RAB23: variants seen among roughly 807,000 people sequenced by gnomAD.
The protein encoded by RAB23 is RAB23, member RAS oncogene family.
Under a neutral mutation model 30.0 loss-of-function variants are expected in RAB23, and 15 were observed. That is an observed-to-expected ratio of 0.50 (90% CI 0.33 to 0.77). The LOEUF (loss-of-function observed/expected upper bound fraction) is 0.77. RAB23 is among the 30% of genes least tolerant of loss of function. The pLI is 0.02. For synonymous variants in RAB23, 93 were observed against 94.0 expected, an observed-to-expected ratio of 0.99 and a Z score of 0.06; for missense variants, 243 against 275.4, an observed-to-expected ratio of 0.88 and a Z score of 0.83.
intron 3 of RAB23, among the ~76,000 whole-genome samples, chr6:57,203,914 CAAG>C (rs1765359962): frequency 6.6e-6 from 1 of 151,960 alleles, no homozygotes. Context: ...GTAGTGGTGG[CAAG>C]AAACCAAAAT....
At chr6:57,199,889 G>A (rs904253621) in intron 3 of RAB23, among the ~76,000 whole-genome samples, 2 of 152,218 alleles carry the variant, frequency 1.3e-5, no homozygotes, top group East Asian at 1.9e-4. Flanking sequence ...TCCCCTAACT[G>A]AATATCATCT....
intron 6 of RAB23, 119 bp from the exon 7 acceptor site, chr6:57,190,719 G>C: frequency 7.4e-7 from 1 of 1,352,182 alleles, no homozygotes; most frequent in Non-Finnish European, 1.0e-6. Context: ...TAAAATTGTA[G>C]TAAAATCCAA....
At chr6:57,219,247 A>C (rs916876213) in intron 1 of RAB23, among the ~76,000 whole-genome samples, 4 of 152,254 alleles carry the variant, frequency 2.6e-5, no homozygotes, top group African/African-American at 9.6e-5. Context: ...TAGCTCCAAA[A>C]ACATTAAATA....
chr6:57,213,470 A>G (rs531984121), intron 1 of RAB23, among the ~76,000 whole-genome samples: 1 of 152,312 alleles, frequency 6.6e-6, no homozygotes, highest in African/African-American at 2.4e-5. Context: ...CAGTTCCTAG[A>G]AAGCAACTTC....
chr6:57,211,279 A>G (rs1255412600), intron 1 of RAB23, among the ~76,000 whole-genome samples: 1 of 152,008 alleles, frequency 6.6e-6, no homozygotes, highest in Non-Finnish European at 1.5e-5. Flanking sequence ...ATAGAGACCC[A>G]GTTGCCACTA....
chr6:57,205,825 G>A (rs1264776009), intron 3 of RAB23, among the ~76,000 whole-genome samples: 3 of 152,188 alleles, frequency 2.0e-5, no homozygotes, highest in Admixed American at 6.5e-5. Context: ...TTTTAACCAC[G>A]AAAGTGATTT....
intron 3 of RAB23, among the ~76,000 whole-genome samples, 181 bp from the exon 4 acceptor site, chr6:57,196,787 C>T (rs1392055324): frequency 6.6e-6 from 1 of 152,128 alleles, no homozygotes; most frequent in African/African-American, 2.4e-5. Flanking sequence ...AACATATAAA[C>T]TCTATTTATG....
intron 3 of RAB23, among the ~76,000 whole-genome samples, chr6:57,206,124 C>T (rs1464652954): frequency 6.6e-6 from 1 of 152,122 alleles, no homozygotes; most frequent in African/African-American, 2.4e-5. Context: ...GGTAGATAGT[C>T]GGGTTTAACT....
chr6:57,205,172 T>A (rs1481667364), intron 3 of RAB23, among the ~76,000 whole-genome samples: 3 of 151,476 alleles, frequency 2.0e-5, no homozygotes, highest in East Asian at 3.9e-4. Flanking sequence ...ACACACTATA[T>A]TAATTACATA....
chr6:57,191,443 G>C (rs966677784), intron 6 of RAB23, among the ~76,000 whole-genome samples: 2 of 152,018 alleles, frequency 1.3e-5, no homozygotes, highest in Non-Finnish European at 2.9e-5. Flanking sequence ...CAGCAAATAC[G>C]ATAATTTTTA....
rs377375386 is a variant in RAB23 at position 57,193,870 on chromosome 6, T to G, written c.546A>C (p.Glu182Asp). ...TCTTGTTACTACTTGAATGCGTTAG[T>G]TCTGGATCCTCAGCTATTTGTTGTT... is the stretch of plus-strand genomic sequence containing the variant. The part of the protein sequence containing the change: ...KLKQQIAEDP[E>D]LTHSSSNKIG... Residue 182 changes from glutamate (E) to aspartate (D), a missense_variant, in exon 6 of 7, where the codon GAA (glutamate) becomes GAC (aspartate). Glu to Asp is a conservative substitution (Grantham distance 45). Coordinates refer to ENST00000468148, the MANE Select transcript of RAB23 (RefSeq NM_016277.5). 7.3e-5 allele frequency: 117 copies of G among 1,612,912 alleles called. No homozygotes were observed. The highest frequency in any genetic ancestry group is 1.2e-4 in the Admixed American group (7 of 59,966).
intron 3 of RAB23, among the ~76,000 whole-genome samples, chr6:57,203,250 C>G (rs141312356): frequency 2.0e-5 from 3 of 152,264 alleles, no homozygotes; most frequent in African/African-American, 7.2e-5. Context: ...AGGTGACCTG[C>G]CGGCCGCAGC....
intron 3 of RAB23, among the ~76,000 whole-genome samples, chr6:57,205,934 G>T (rs1471988300): frequency 3.3e-5 from 5 of 152,192 alleles, no homozygotes; most frequent in African/African-American, 1.2e-4. Context: ...GATTCCCAAA[G>T]TTAAGGCAAG....
At chr6:57,214,718 A>G (rs1468441445) in intron 1 of RAB23, among the ~76,000 whole-genome samples, 2 of 152,188 alleles carry the variant, frequency 1.3e-5, no homozygotes, top group African/African-American at 4.8e-5. Context: ...GAAGAGAATC[A>G]AGCTAAAAGA....
rs779101760 is a variant in RAB23, at chr6:57,207,685, A to G, written c.184T>C (p.Leu62=). 4 of 1,604,326 alleles carry G rather than the reference A, an allele frequency of 2.5e-6. No homozygotes were observed. Among genetic ancestry groups the G allele is most frequent in the Non-Finnish European group, 2.6e-6 (3 of 1,171,334 alleles). The change falls in exon 3 of 7, where the codon TTA becomes CTA. Residue 62 remains leucine, a synonymous_variant. Coordinates refer to ENST00000468148, the MANE Select transcript of RAB23 (RefSeq NM_016277.5). ...TCCTCCTGACCTGCAGTGTCCCATA[A>G]CATTAGTCTGACATCTTCATCATTA... The part of the protein sequence containing the change: ...QVNDEDVRLM[L]WDTAGQEEFD...
chr6:57,194,911 T>A, intron 4 of RAB23, 59 bp from the exon 5 acceptor site: 3 of 1,271,342 alleles, frequency 2.4e-6, no homozygotes, highest in Non-Finnish European at 3.4e-6. Flanking sequence ...GCTTGTTTTT[T>A]AAATCACTTT....
intron 3 of RAB23, among the ~76,000 whole-genome samples, chr6:57,197,301 T>G (rs991916915): frequency 5.9e-5 from 9 of 152,156 alleles, no homozygotes; most frequent in African/African-American, 2.2e-4. Flanking sequence ...CCATATTGTA[T>G]CCATTGACAA....
intron 2 of RAB23, among the ~76,000 whole-genome samples, chr6:57,209,869 C>T (rs529054712): frequency 3.3e-5 from 5 of 152,144 alleles, no homozygotes; most frequent in East Asian, 3.9e-4. Context: ...CTAATAAAAA[C>T]GAGCCCATAA....
intron 6 of RAB23, among the ~76,000 whole-genome samples, chr6:57,191,843 T>TTGTG (rs984122202): frequency 6.6e-4 from 99 of 150,494 alleles, no homozygotes; most frequent in African/African-American, 2.2e-3. Context: ...TATTTCTGAG[T>TTGTG]TGTGTGTGTG....
Sources: allele counts gnomAD v4.1 joint callset (sites outside exome capture counted in the v4.1 genomes callset), GRCh38; gene constraint gnomAD v4.1.1; transcripts MANE v1.5; gene names NCBI Gene and HGNC (gene_info 2026-07-23, HGNC 2026-07-21).